NAPEPLD: variants seen among roughly 807,000 people sequenced by gnomAD.
NAPEPLD encodes the protein N-acyl phosphatidylethanolamine phospholipase D, also known as N-acyl-phosphatidylethanolamine-hydrolyzing phospholipase D.
In NAPEPLD, 23 loss-of-function variants were observed where a neutral mutation model predicts 38.1. That is an observed-to-expected ratio of 0.60 (90% CI 0.43 to 0.86). NAPEPLD has a LOEUF of 0.86. Ranked by LOEUF, NAPEPLD falls within the 40% of genes least tolerant of loss-of-function variation. The pLI, the probability that NAPEPLD is intolerant of heterozygous loss-of-function variation, is 0.00. For synonymous variants in NAPEPLD, 147 were observed against 162.0 expected (o/e 0.91, Z 0.71); for missense variants, 411 against 476.8 (o/e 0.86, Z 1.28).
intron 4 of NAPEPLD, among the ~76,000 whole-genome samples, chr7:103,109,055 T>G (rs970561140): frequency 2.6e-5 from 4 of 152,190 alleles, no homozygotes; most frequent in Admixed American, 6.5e-5. Flanking sequence ...TAAATATATA[T>G]GCACCCAATA....
chr7:103,107,200 T>C (rs1401761425), intron 4 of NAPEPLD, among the ~76,000 whole-genome samples: 2 of 151,944 alleles, frequency 1.3e-5, no homozygotes, highest in African/African-American at 4.8e-5. Context: ...AGGAATAGTA[T>C]CAGCATCAAC....
At chr7:103,129,168 G>A (rs1808432254) in intron 1 of NAPEPLD, 1 of 288,454 alleles carries the variant, frequency 3.5e-6, no homozygotes, top group Non-Finnish European at 5.2e-6. Flanking sequence ...AGGAGGCTGA[G>A]GCAGGAGAAT....
In NAPEPLD at chr7:103,122,046, G is replaced by C. The variant is rs1223435161; in HGVS notation, c.295-1823C>G. Among the ~76,000 whole-genome samples the C allele has an allele frequency of 2.6e-5, 4 of 152,000 alleles. No individual in the cohort carries two copies. In the East Asian group the frequency reaches 5.8e-4, roughly 22 times the overall value. On this transcript the variant is annotated intron_variant, in intron 2 of 4. Transcript: ENST00000465647. ...GGGACAAACTAAATCTATAAAGATG[G>C]GAACACATTAAGAGCCTTGAGTGTC...
At chr7:103,118,225 G>C (rs1266392824) in intron 3 of NAPEPLD, among the ~76,000 whole-genome samples, 1 of 152,140 alleles carries the variant, frequency 6.6e-6, no homozygotes, top group Non-Finnish European at 1.5e-5. Context: ...ATCGAGTAAA[G>C]ACCAATTTTA....
intron 1 of NAPEPLD, among the ~76,000 whole-genome samples, chr7:103,143,243 C>T (rs114589630): frequency 0.054 from 8,191 of 151,812 alleles, 293 homozygotes; most frequent in African/African-American, 0.1. Context: ...AATAAATAAA[C>T]ATAAATAAAT....
At chr7:103,137,208 G>T (rs1810258356) in intron 1 of NAPEPLD, among the ~76,000 whole-genome samples, 1 of 152,204 alleles carries the variant, frequency 6.6e-6, no homozygotes, top group African/African-American at 2.4e-5. Context: ...AAGTGCTGGG[G>T]ATCACAGGCA....
chr7:103,133,324 A>G (rs1211582314), intron 1 of NAPEPLD, among the ~76,000 whole-genome samples: 1 of 152,234 alleles, frequency 6.6e-6, no homozygotes, highest in East Asian at 1.9e-4. Flanking sequence ...TTAAAGCAAC[A>G]CAAAATGATC....
At chr7:103,128,830 T>A (rs1808364172) in intron 1 of NAPEPLD, 38 bp from the exon 2 acceptor site, 3 of 1,555,800 alleles carry the variant, frequency 1.9e-6, no homozygotes, top group Non-Finnish European at 2.6e-6. Flanking sequence ...GAGTTGAACA[T>A]AAAGGCATTC....
At chr7:103,148,625 A>AT (rs201705446) in intron 1 of NAPEPLD, among the ~76,000 whole-genome samples, 186 bp downstream of exon 1, 13,043 of 145,238 alleles carry the variant, frequency 0.09, 613 homozygotes, top group South Asian at 0.14. Flanking sequence ...AGCTAGCCCC[A>AT]TTTTTTTTTT....
intron 2 of NAPEPLD, among the ~76,000 whole-genome samples, chr7:103,124,498 A>C (rs1483658401): frequency 6.6e-6 from 1 of 152,072 alleles, no homozygotes; most frequent in Admixed American, 6.5e-5. Flanking sequence ...AGCATATAGA[A>C]AAAGGGGTGG....
intron 1 of NAPEPLD, among the ~76,000 whole-genome samples, chr7:103,133,165 T>C (rs1473965184): frequency 6.6e-6 from 1 of 152,110 alleles, no homozygotes; most frequent in East Asian, 1.9e-4. Context: ...CTCTCCACAC[T>C]CTCCTCTGCT....
At position 103,120,056 on chromosome 7, in the gene NAPEPLD, A is replaced by G. The variant is rs868750876; in HGVS notation, c.462T>C (p.Ala154=). 5 of 1,614,214 alleles carry G rather than the reference A, an allele frequency of 3.1e-6. No individual in the cohort carries two copies. The Middle Eastern group carries it at 8.3e-4, about 266-fold the overall frequency. ...FLTDPIFSSR[A]SPSQYMGPKR... ...TTGGACCCATGTACTGCGATGGTGAAGCACGAGAGCTAAAGATGGGATCCG... is the reference window on the plus strand; with the variant it reads ...TTGGACCCATGTACTGCGATGGTGAGGCACGAGAGCTAAAGATGGGATCCG... The change falls in exon 3 of 5, where the codon GCT becomes GCC. Residue 154 remains alanine, a synonymous_variant. Transcript: ENST00000465647.
At chr7:103,149,924 T>A (rs1285111947), upstream of NAPEPLD, among the ~76,000 whole-genome samples, 1 of 152,198 alleles carries the variant, frequency 6.6e-6, no homozygotes, top group South Asian at 2.1e-4. Context: ...TAATTTGAAA[T>A]GTTGTACAGT....
rs989601649 is a variant in NAPEPLD, at chr7:103,100,293, A to G, written c.*3136T>C. The G allele has an allele frequency of 2.6e-5, 4 of 152,184 alleles. No homozygotes were observed. The highest frequency in any genetic ancestry group is 9.7e-5 in the African/African-American group (4 of 41,440). 9.4% of individuals were successfully genotyped at this position (152,184 alleles called of 1,614,324 possible). ...AAGCATATTCATTAAATATGAAACT[A>G]TGCATACATTAAAAACCAGGATTTG... On this transcript the variant is annotated 3_prime_UTR_variant, in exon 5 of 5. Coordinates refer to ENST00000465647, the MANE Select transcript of NAPEPLD (RefSeq NM_001122838.3).
At chr7:103,135,851 T>C (rs1466696344) in intron 1 of NAPEPLD, among the ~76,000 whole-genome samples, 1 of 152,158 alleles carries the variant, frequency 6.6e-6, no homozygotes, top group Non-Finnish European at 1.5e-5. Context: ...CTAGAGATGT[T>C]AGCTTGCAGG....
At chr7:103,143,060 C>T (rs1250525636) in intron 1 of NAPEPLD, among the ~76,000 whole-genome samples, 2 of 22,288 alleles carry the variant, frequency 9.0e-5, no homozygotes, top group Non-Finnish European at 3.4e-3. Context: ...TCTGTCTCTA[C>T]AAAAAAAAAA....
rs559128082 is a variant in NAPEPLD at position 103,102,085 on chromosome 7, C to T, written c.*1344G>A. ...GTTCATTTAATATAAAAATGTAAGACATCTGAATCAGGTAAAAAAAATTAT... is the reference window on the plus strand; with the variant it reads ...GTTCATTTAATATAAAAATGTAAGATATCTGAATCAGGTAAAAAAAATTAT... On this transcript the variant is annotated 3_prime_UTR_variant, in exon 5 of 5. Transcript: ENST00000465647. The T allele has an allele frequency of 1.7e-4, 21 of 123,982 alleles. No individual in the cohort carries two copies. Among genetic ancestry groups the T allele is most frequent in the Admixed American group, 1.7e-3 (15 of 9,060 alleles). 7.7% of individuals were successfully genotyped at this position (123,982 alleles called of 1,614,324 possible).
chr7:103,124,672 C>G (rs577989808), intron 2 of NAPEPLD, among the ~76,000 whole-genome samples: 1 of 152,042 alleles, frequency 6.6e-6, no homozygotes, highest in Non-Finnish European at 1.5e-5. Flanking sequence ...TTACTTTTCT[C>G]GGGAAAAGGG....
intron 1 of NAPEPLD, among the ~76,000 whole-genome samples, chr7:103,136,388 A>G (rs1395840136): frequency 1.4e-5 from 2 of 148,142 alleles, no homozygotes; most frequent in African/African-American, 2.5e-5. Context: ...CCTGGCTAAC[A>G]TGGCAAAACC....
Sources: allele counts gnomAD v4.1 joint callset (sites outside exome capture counted in the v4.1 genomes callset), GRCh38; gene constraint gnomAD v4.1.1; transcripts MANE v1.5; gene names NCBI Gene and HGNC (gene_info 2026-07-23, HGNC 2026-07-21).